PLCL1: variants seen among roughly 807,000 people sequenced by gnomAD.
PLCL1 encodes the protein inactive phospholipase C-like protein 1.
Under a neutral mutation model 84.4 loss-of-function variants are expected in PLCL1, and 41 were observed. The ratio of observed to expected loss-of-function variants is 0.49; its 90% CI spans 0.38 to 0.63. The LOEUF (loss-of-function observed/expected upper bound fraction) is 0.63, where lower values mean the gene tolerates loss of function less well. Among genes scored for constraint, PLCL1 ranks in the 30% least tolerant of loss-of-function variants. PLCL1 has a pLI of 0.00. For missense variants in PLCL1, 1,206 were observed against 1,367.8 expected (o/e 0.88, Z 1.87); for synonymous variants, 490 against 488.3 (o/e 1.00, Z -0.05).
rs192571017 is a variant in PLCL1, at chr2:198,094,084, C to T, written c.2919+5023C>T. ...TCTCTCTCTCTTTTTGTTTTGGAAA[C>T]GGAGTCTCACTCTGTCGCCCAGACT... On this transcript the variant is annotated intron_variant, in intron 3 of 5. Coordinates refer to ENST00000428675, the MANE Select transcript of PLCL1 (RefSeq NM_006226.4). Among the ~76,000 whole-genome samples the T allele has an allele frequency of 1.2e-3, 186 of 151,942 alleles. 2 individuals are homozygous for T. Among genetic ancestry groups the T allele is most frequent in the African/African-American group, 4.1e-3 (169 of 41,446 alleles).
intron 1 of PLCL1, among the ~76,000 whole-genome samples, chr2:198,062,828 A>T (rs1473084525): frequency 6.6e-6 from 1 of 152,212 alleles, no homozygotes; most frequent in Admixed American, 6.5e-5. Context: ...GAGCTATCTC[A>T]GGTGATTCTT....
chr2:197,897,390 T>A (rs1688174500), intron 1 of PLCL1, among the ~76,000 whole-genome samples: 1 of 151,930 alleles, frequency 6.6e-6, no homozygotes, highest in Admixed American at 6.6e-5. Flanking sequence ...CAATATAGAG[T>A]GTTTGTGGTT....
chr2:197,812,455 C>A (rs1690606730), intron 1 of PLCL1, among the ~76,000 whole-genome samples: 1 of 152,168 alleles, frequency 6.6e-6, no homozygotes, highest in South Asian at 2.1e-4. Flanking sequence ...ACTTCACCAA[C>A]ATTTGTTGTT....
intron 5 of PLCL1, among the ~76,000 whole-genome samples, chr2:198,139,848 A>C (rs531974013): frequency 2.0e-5 from 3 of 152,172 alleles, no homozygotes; most frequent in Non-Finnish European, 4.4e-5. Context: ...CAGGGAAGAG[A>C]TGGGTGTATC....
At chr2:198,029,249 T>G (rs1691347578) in intron 1 of PLCL1, among the ~76,000 whole-genome samples, 1 of 152,192 alleles carries the variant, frequency 6.6e-6, no homozygotes, top group East Asian at 1.9e-4. Flanking sequence ...GTTGCTTGCT[T>G]TATTTACTAC....
chr2:198,145,117 G>A (rs1405669952), intron 5 of PLCL1, among the ~76,000 whole-genome samples: 3 of 152,218 alleles, frequency 2.0e-5, no homozygotes, highest in South Asian at 2.1e-4. Context: ...CACTTCATAT[G>A]TTGGTCTGTT....
intron 1 of PLCL1, among the ~76,000 whole-genome samples, chr2:197,945,915 T>C (rs1689262450): frequency 6.6e-6 from 1 of 152,204 alleles, no homozygotes; most frequent in Admixed American, 6.5e-5. Flanking sequence ...TATGTATATG[T>C]ACACACATTT....
chr2:197,880,319 C>T (rs779700628), intron 1 of PLCL1, among the ~76,000 whole-genome samples: 14 of 152,022 alleles, frequency 9.2e-5, no homozygotes, highest in Non-Finnish European at 1.9e-4. Context: ...CTATAACTTG[C>T]TACATTTCCC....
At chr2:197,946,635 T>C (rs1464169286) in intron 1 of PLCL1, among the ~76,000 whole-genome samples, 3 of 152,194 alleles carry the variant, frequency 2.0e-5, no homozygotes, top group Admixed American at 6.5e-5. Context: ...CAGGATTGTC[T>C]TGACCTTTGC....
intron 1 of PLCL1, among the ~76,000 whole-genome samples, chr2:197,998,011 G>T: frequency 6.6e-6 from 1 of 152,130 alleles, no homozygotes; most frequent in East Asian, 1.9e-4. Flanking sequence ...CAAGGGCTCA[G>T]AATTTGATAA....
intron 5 of PLCL1, among the ~76,000 whole-genome samples, chr2:198,144,494 A>G (rs1694468718): frequency 6.6e-6 from 1 of 152,230 alleles, no homozygotes; most frequent in Admixed American, 6.5e-5. Context: ...TATTATATAT[A>G]GTAGCAGATA....
At chr2:197,900,703 T>G (rs554884797) in intron 1 of PLCL1, among the ~76,000 whole-genome samples, 1 of 152,348 alleles carries the variant, frequency 6.6e-6, no homozygotes, top group East Asian at 1.9e-4. Flanking sequence ...TAAGTTGTTT[T>G]CACTCAACTA....
chr2:197,908,310 A>T (rs1435800903), intron 1 of PLCL1, among the ~76,000 whole-genome samples: 2 of 152,238 alleles, frequency 1.3e-5, no homozygotes, highest in South Asian at 4.1e-4. Context: ...AATAGTAAAG[A>T]ATCCCTGCCA....
intron 1 of PLCL1, among the ~76,000 whole-genome samples, chr2:197,979,793 C>T (rs1371828556): frequency 3.3e-5 from 5 of 152,158 alleles, no homozygotes; most frequent in African/African-American, 4.8e-5. Context: ...AATTTCTTCC[C>T]CTGACCCATT....
At chr2:197,903,363 G>A (rs1477139203) in intron 1 of PLCL1, among the ~76,000 whole-genome samples, 4 of 150,616 alleles carry the variant, frequency 2.7e-5, no homozygotes, top group Admixed American at 6.6e-5. Context: ...CTAGTCCAAT[G>A]CCTGTATTTT....
intron 1 of PLCL1, chr2:198,071,088 T>C: frequency 3.1e-6 from 1 of 318,272 alleles, no homozygotes. Context: ...GTTATCTGCT[T>C]TTTAAGTATG....
intron 1 of PLCL1, among the ~76,000 whole-genome samples, chr2:197,881,256 G>A (rs1021927547): frequency 3.9e-5 from 6 of 152,140 alleles, no homozygotes; most frequent in Non-Finnish European, 8.8e-5. Flanking sequence ...GCAAGTGTGC[G>A]ACTTTGGGAG....
chr2:197,820,126 A>G (rs1051084567), intron 1 of PLCL1, among the ~76,000 whole-genome samples: 4 of 152,088 alleles, frequency 2.6e-5, no homozygotes, highest in African/African-American at 9.7e-5. Flanking sequence ...AGGTGCATAT[A>G]TGTTATTTCA....
At chr2:198,058,023 C>G (rs987494267) in intron 1 of PLCL1, among the ~76,000 whole-genome samples, 3 of 152,128 alleles carry the variant, frequency 2.0e-5, no homozygotes, top group African/African-American at 7.2e-5. Context: ...TACTATGTGA[C>G]TTAAAACTTA....
Sources: gnomAD v4.1 joint callset for allele counts (sites outside exome capture counted in the v4.1 genomes callset) on GRCh38, gnomAD v4.1.1 for gene constraint, MANE v1.5 for transcripts, NCBI Gene and HGNC (gene_info 2026-07-23, HGNC 2026-07-21) for gene names.